The following NCAM1 variants were observed in gnomAD, a reference collection of about 807,000 sequenced individuals.
NCAM1 encodes the protein antigen recognized by monoclonal antibody 5.1H11.
In NCAM1, 14 loss-of-function variants were observed where a neutral mutation model predicts 109.8. The ratio of observed to expected loss-of-function variants is 0.13; its 90% CI spans 0.08 to 0.20. The LOEUF (loss-of-function observed/expected upper bound fraction) is 0.20. Among genes scored for constraint, NCAM1 ranks in the 10% least tolerant of loss-of-function variants. The pLI is 1.00. For synonymous variants in NCAM1, 418 were observed against 442.9 expected, an observed-to-expected ratio of 0.94 and a Z score of 0.70; for missense variants, 774 against 1,109.9, an observed-to-expected ratio of 0.70 and a Z score of 4.30.
chr11:113,032,835 A>G (rs1555078533), intron 1 of NCAM1, among the ~76,000 whole-genome samples: 1 of 152,174 alleles, frequency 6.6e-6, no homozygotes, highest in Non-Finnish European at 1.5e-5. Flanking sequence ...ATTTTCTTAT[A>G]CTTAGCTGGA....
intron 9 of NCAM1, among the ~76,000 whole-genome samples, chr11:113,228,458 C>T (rs1555116625): frequency 6.6e-6 from 1 of 152,210 alleles, no homozygotes; most frequent in Non-Finnish European, 1.5e-5. Context: ...AAGAACATTC[C>T]ATGCTCATGG....
intron 1 of NCAM1, among the ~76,000 whole-genome samples, chr11:113,004,491 C>G (rs1334206702): frequency 1.3e-5 from 2 of 149,346 alleles, no homozygotes. Flanking sequence ...GATTTCATCT[C>G]AAAAAAAAAA....
intron 1 of NCAM1, among the ~76,000 whole-genome samples, chr11:112,965,925 G>A (rs1475418357): frequency 2.0e-5 from 3 of 152,136 alleles, no homozygotes; most frequent in Non-Finnish European, 4.4e-5. Flanking sequence ...GGAGAGAAGG[G>A]ATCGCACCTG....
chr11:113,231,667 T>C lies in NCAM1; in HGVS notation c.1112T>C (p.Val371Ala). 6.2e-7 allele frequency: 1 copy of C among 1,608,582 alleles called. No homozygotes were observed. The highest frequency in any genetic ancestry group is 8.5e-7 in the Non-Finnish European group (1 of 1,176,454). Residue 371 changes from valine (V) to alanine (A), a missense_variant, in exon 10 of 20, where the codon GTG becomes GCG. Val to Ala is a moderately conservative substitution (Grantham distance 64). Transcript: ENST00000316851. The part of the protein sequence containing the change: ...KQETLDGHMV[V>A]RSHARVSSLT... ...CAGACTCTGGATGGGCACATGGTGG[T>C]GCGTAGCCATGCCCGTGTGTCGTCG...
At position 113,255,886 on chromosome 11, in the gene NCAM1, G is replaced by C. The variant is rs1565532830; in HGVS notation, c.1838G>C (p.Ser613Thr). Residue 613 changes from serine to threonine, a missense_variant, in exon 16 of 20, where the codon AGT (serine) becomes ACT (threonine). By Grantham distance (58) the Ser-to-Thr change is moderately conservative. Coordinates refer to ENST00000316851, the MANE Select transcript of NCAM1 (RefSeq NM_181351.5). ...TAACTGGCTGTTTCAGGGGAACCCA[G>C]TGCACCTAAGCTCGAAGGGCAGATG... ...FKTQPVQGEP[S>T]APKLEGQMGE... The C allele has an allele frequency of 6.2e-7, 1 of 1,612,626 alleles. No homozygotes were observed. Among genetic ancestry groups the C allele is most frequent in the African/African-American group, 1.3e-5 (1 of 74,828 alleles).
intron 1 of NCAM1, among the ~76,000 whole-genome samples, chr11:113,196,666 CTT>C (rs1233320625): frequency 6.6e-6 from 1 of 152,190 alleles, no homozygotes; most frequent in Admixed American, 6.5e-5. Flanking sequence ...GGTTAAATAA[CTT>C]GGCCAAGATT....
intron 1 of NCAM1, among the ~76,000 whole-genome samples, chr11:112,997,927 G>A (rs543719782): frequency 1.2e-3 from 188 of 152,246 alleles, no homozygotes; most frequent in African/African-American, 4.1e-3. Context: ...AGACACTTTT[G>A]CTTCGATCCT....
At chr11:113,206,479 T>C (rs1565499106) in intron 5 of NCAM1, among the ~76,000 whole-genome samples, 1 of 152,192 alleles carries the variant, frequency 6.6e-6, no homozygotes. Context: ...CTCATTGTCC[T>C]TGATGTTACC....
At chr11:113,130,395 T>G (rs1178336954) in intron 1 of NCAM1, among the ~76,000 whole-genome samples, 2 of 152,176 alleles carry the variant, frequency 1.3e-5, no homozygotes, top group African/African-American at 2.4e-5. Context: ...CTGCCTTCAT[T>G]AAGCTTATTA....
chr11:113,165,632 A>G (rs1246234100), intron 1 of NCAM1, among the ~76,000 whole-genome samples: 1 of 151,904 alleles, frequency 6.6e-6, no homozygotes, highest in African/African-American at 2.4e-5. Context: ...GTTTTCCTGC[A>G]CCCTTACGAC....
Position 113,205,589 on chromosome 11 carries a change from T to C in NCAM1, c.413T>C (p.Val138Ala). The C allele has an allele frequency of 6.2e-7, 1 of 1,613,790 alleles. No individual in the cohort carries two copies. Among genetic ancestry groups the C allele is most frequent in the Non-Finnish European group, 8.5e-7 (1 of 1,179,800 alleles). ...CGGGAGGGGGAAGATGCCGTGATTG[T>C]GTGTGATGTGGTCAGCTCCCTCCCA... is the stretch of plus-strand genomic sequence containing the variant. ...EFREGEDAVI[V>A]CDVVSSLPPT... Residue 138 changes from valine (V) to alanine (A), a missense_variant, in exon 4 of 20, where the codon GTG (valine) becomes GCG (alanine). This residue lies in a region of NCAM1 where 17 missense variants were observed against 54.1 expected (regional missense o/e 0.31). Transcript: ENST00000316851.
At chr11:113,062,299 C>T (rs1937702047) in intron 1 of NCAM1, among the ~76,000 whole-genome samples, 2 of 152,138 alleles carry the variant, frequency 1.3e-5, no homozygotes, top group African/African-American at 4.8e-5. Flanking sequence ...TGTTCTGTCT[C>T]CATGGATTTG....
chr11:113,199,982 G>A (rs1944000285), intron 1 of NCAM1, among the ~76,000 whole-genome samples: 1 of 152,116 alleles, frequency 6.6e-6, no homozygotes, highest in Non-Finnish European at 1.5e-5. Context: ...CCTCAGCCTT[G>A]CCGTGTTCTC....
intron 7 of NCAM1, among the ~76,000 whole-genome samples, chr11:113,208,483 A>G (rs1247104287): frequency 1.3e-5 from 2 of 151,938 alleles, no homozygotes; most frequent in Non-Finnish European, 2.9e-5. Context: ...TCTTCATCTC[A>G]GGATCACTGC....
chr11:113,210,078 G>T (rs994502090), intron 7 of NCAM1, among the ~76,000 whole-genome samples: 1 of 152,096 alleles, frequency 6.6e-6, no homozygotes. Flanking sequence ...ATAAATGAAG[G>T]AACTGTCATT....
At position 113,273,319 on chromosome 11, in the gene NCAM1, C is replaced by T. The variant is rs769053130; in HGVS notation, c.2456+1443C>T. ...AGCGCCCCTGCTGGTGTCGGGGAGG[C>T]CTCTAAGGCTCCTCCGGCCAGCAAG... On this transcript the variant is annotated intron_variant, in intron 19 of 19. Transcript: ENST00000316851. The surrounding 1 kb of genome is among the most constrained non-coding windows in gnomAD (Gnocchi z 6.0). The T allele has an allele frequency of 1.0e-3, 356 of 344,994 alleles. No individual in the cohort carries two copies. Among genetic ancestry groups the T allele is most frequent in the Non-Finnish European group, 1.7e-3 (287 of 173,724 alleles). 21.4% of individuals were successfully genotyped at this position (344,994 alleles called of 1,614,324 possible).
At chr11:113,163,996 G>T (rs1555104830) in intron 1 of NCAM1, among the ~76,000 whole-genome samples, 1 of 152,124 alleles carries the variant, frequency 6.6e-6, no homozygotes, top group Non-Finnish European at 1.5e-5. Context: ...CCACTGAATG[G>T]GATTGCCGAA....
At chr11:113,270,457 A>T (rs1410459622) in intron 18 of NCAM1, 62 bp downstream of exon 18, 1 of 1,505,076 alleles carries the variant, frequency 6.6e-7, no homozygotes, top group African/African-American at 1.4e-5. Context: ...GGGACCCAGC[A>T]GCTGCACCAC....
rs1946325073 is a variant in NCAM1, at chr11:113,273,216, G to A, written c.2456+1340G>A. 4 of 370,116 alleles carry A rather than the reference G, an allele frequency of 1.1e-5. No homozygotes were observed. The highest frequency in any genetic ancestry group is 4.0e-5 in the South Asian group (2 of 50,356). The allele number at this position is 370,116 out of a possible 1,614,324, so 22.9% of individuals were successfully genotyped here. A position where few individuals can be genotyped will look rare whatever the true frequency, so the allele number is the denominator to read the frequency against. On this transcript the variant is annotated intron_variant, in intron 19 of 19. Coordinates refer to ENST00000316851, the MANE Select transcript of NCAM1 (RefSeq NM_181351.5). This position sits in a 1 kb window ranked among gnomAD's most constrained non-coding sequence, Gnocchi z 6.0. ...GGTCGCCCCCCTCGTTGACCTGAGCGACACCCCGACCTCAACCCCTGCCGC... is the reference window on the plus strand; with the variant it reads ...GGTCGCCCCCCTCGTTGACCTGAGCAACACCCCGACCTCAACCCCTGCCGC...
Sources: gnomAD v4.1 joint callset for allele counts (sites outside exome capture counted in the v4.1 genomes callset) on GRCh38, gnomAD v4.1.1 for gene constraint, gnomAD v4.1.1 regional missense constraint, Gnocchi (gnomAD v3.1) non-coding constraint, MANE v1.5 for transcripts, NCBI Gene and HGNC (gene_info 2026-07-23, HGNC 2026-07-21) for gene names.